KIZ: variants seen among roughly 807,000 people sequenced by gnomAD.
KIZ encodes the protein kizuna centrosomal protein.
Under a neutral mutation model 79.6 loss-of-function variants are expected in KIZ, and 68 were observed. The ratio of observed to expected loss-of-function variants is 0.85; its 90% CI spans 0.70 to 1.05. The LOEUF (loss-of-function observed/expected upper bound fraction) is 1.05, where lower values mean the gene tolerates loss of function less well. KIZ is among the 50% of genes least tolerant of loss of function. The pLI is 0.00. For missense variants in KIZ, 797 were observed against 800.4 expected (o/e 1.00, Z 0.05); for synonymous variants, 280 against 281.8 (o/e 0.99, Z 0.06).
At chr20:21,174,302 A>G (rs1247093734) in intron 6 of KIZ, among the ~76,000 whole-genome samples, 1 of 152,186 alleles carries the variant, frequency 6.6e-6, no homozygotes, top group Admixed American at 6.5e-5. Context: ...TTTACAGATG[A>G]GAAAACTGAG....
chr20:21,210,226 T>C (rs2036012194), intron 7 of KIZ, among the ~76,000 whole-genome samples: 1 of 152,044 alleles, frequency 6.6e-6, no homozygotes, highest in South Asian at 2.1e-4. Context: ...AAGAATTGCT[T>C]GAACCTGGGA....
In KIZ at chr20:21,244,204, CTT is replaced by C. The variant is rs775621928; in HGVS notation, c.1881-38_1881-37del. ...ATTATGAAAATATTAGTCTCATTGT[CTT>C]TTCTTTTTCAGAACTTAGACTGTTT... On this transcript the variant is annotated intron_variant, in intron 11 of 12. Transcript: ENST00000619189. 2.1e-6 allele frequency: 3 copies of C among 1,439,962 alleles called. No individual in the cohort carries two copies. The Admixed American group carries it at 5.1e-5, about 25-fold the overall frequency. The allele number at this position is 1,439,962 out of a possible 1,614,324, so 89.2% of individuals were successfully genotyped here.
At chr20:21,126,939 ACT>A (rs770888537) in intron 1 of KIZ, among the ~76,000 whole-genome samples, 3 of 152,206 alleles carry the variant, frequency 2.0e-5, no homozygotes, top group Non-Finnish European at 4.4e-5. Flanking sequence ...TGGAGTTGTA[ACT>A]CTCATTAGTT....
intron 6 of KIZ, among the ~76,000 whole-genome samples, chr20:21,180,292 CGAT>C (rs1355168401): frequency 6.7e-6 from 1 of 149,124 alleles, no homozygotes; most frequent in Non-Finnish European, 1.5e-5. Context: ...AAGATGATGA[CGAT>C]GACAACTCTT....
chr20:21,232,265 C>T (rs542427446), intron 10 of KIZ, among the ~76,000 whole-genome samples: 2 of 152,186 alleles, frequency 1.3e-5, no homozygotes, highest in Non-Finnish European at 2.9e-5. Flanking sequence ...TGATGATTTT[C>T]AGTGGAGATT....
intron 7 of KIZ, among the ~76,000 whole-genome samples, chr20:21,211,906 T>C (rs2036084148): frequency 3.9e-5 from 6 of 152,110 alleles, no homozygotes; most frequent in Admixed American, 3.9e-4. Flanking sequence ...CTGGCCAACA[T>C]GGTGAAACCC....
chr20:21,223,665 CTTT>C (rs1053285543), intron 9 of KIZ, among the ~76,000 whole-genome samples: 2 of 126,184 alleles, frequency 1.6e-5, no homozygotes, highest in African/African-American at 6.1e-5. Flanking sequence ...CTCTCTCTCT[CTTT>C]TTTTTTTTTT....
At chr20:21,188,619 C>T (rs904380733) in intron 6 of KIZ, among the ~76,000 whole-genome samples, 9 of 151,564 alleles carry the variant, frequency 5.9e-5, no homozygotes, top group East Asian at 3.9e-4. Context: ...ATATTTAAAG[C>T]GGTCACTTTA....
In KIZ at chr20:21,214,589, A is replaced by C. The variant is rs369519137; in HGVS notation, c.1501A>C (p.Ile501Leu). Residue 501 changes from isoleucine (I) to leucine (L), a missense_variant, in exon 8 of 13, where the codon ATT becomes CTT. Ile to Leu is a conservative substitution (Grantham distance 5). Coordinates refer to ENST00000619189, the MANE Select transcript of KIZ (RefSeq NM_018474.6). ...LTEECGRRSA[I>L]HSSESSCSLP... ...AGAAGAGTGTGGCCGTAGGTCAGCT[A>C]TTCACAGTAGTGAATCATCTTGCAG... 29 of 1,613,302 alleles carry C rather than the reference A, an allele frequency of 1.8e-5. No individual in the cohort carries two copies. Among genetic ancestry groups the C allele is most frequent in the Non-Finnish European group, 2.5e-5 (29 of 1,179,422 alleles).
At chr20:21,134,565 C>G (rs1437042751) in intron 2 of KIZ, among the ~76,000 whole-genome samples, 1 of 151,860 alleles carries the variant, frequency 6.6e-6, no homozygotes, top group African/African-American at 2.4e-5. Flanking sequence ...TGCCGTCGAG[C>G]TTTCTGACAT....
intron 6 of KIZ, chr20:21,196,078 C>T (rs926266681): frequency 2.0e-5 from 3 of 152,426 alleles, no homozygotes; most frequent in Non-Finnish European, 4.4e-5. Context: ...GCCAGGCTAA[C>T]CCTCTGAAAA....
intron 6 of KIZ, among the ~76,000 whole-genome samples, chr20:21,190,892 A>G (rs750229428): frequency 6.6e-6 from 1 of 152,218 alleles, no homozygotes; most frequent in Non-Finnish European, 1.5e-5. Flanking sequence ...TTGTCTTTTC[A>G]TAATGTAAAG....
intron 6 of KIZ, among the ~76,000 whole-genome samples, chr20:21,176,526 A>G (rs2034440620): frequency 6.6e-6 from 1 of 151,266 alleles, no homozygotes; most frequent in Non-Finnish European, 1.5e-5. Flanking sequence ...CTAGTACATC[A>G]TGCCTGGCTT....
At chr20:21,135,265 A>G (rs760090527) in intron 2 of KIZ, among the ~76,000 whole-genome samples, 3 of 152,168 alleles carry the variant, frequency 2.0e-5, no homozygotes, top group East Asian at 1.9e-4. Context: ...GCATAGTACA[A>G]TTGTACCCAC....
intron 9 of KIZ, among the ~76,000 whole-genome samples, chr20:21,224,302 C>T (rs2036594537): frequency 1.3e-5 from 2 of 152,192 alleles, no homozygotes; most frequent in African/African-American, 4.8e-5. Flanking sequence ...AAGCAGATTA[C>T]TAGGCAAATG....
Position 21,246,525 on chromosome 20 carries a change from T to A in KIZ, c.1971T>A (p.Ala657=). 3 of 1,612,576 alleles carry A rather than the reference T, an allele frequency of 1.9e-6. No individual in the cohort carries two copies. In the South Asian group the frequency reaches 3.3e-5, roughly 18 times the overall value. Residue 657 remains alanine (A), a synonymous_variant, in exon 13 of 13, where the codon GCT becomes GCA. Transcript: ENST00000619189. The stretch of plus-strand genomic sequence containing the variant: ...ACAGTAACTCAGAAATTGAGGCTGC[T>A]TTACGCCCCAGAAACCATAACACCG... The part of the protein sequence containing the change: ...SDDSNSEIEA[A]LRPRNHNTDD...
At chr20:21,154,199 G>A (rs889885104) in intron 4 of KIZ, 4 of 152,022 alleles carry the variant, frequency 2.6e-5, no homozygotes, top group Non-Finnish European at 5.9e-5. Flanking sequence ...CCTTGTCTGT[G>A]AAGATAATAA....
At chr20:21,171,069 AG>A (rs1188490669) in intron 6 of KIZ, among the ~76,000 whole-genome samples, 4 of 152,212 alleles carry the variant, frequency 2.6e-5, no homozygotes, top group African/African-American at 9.6e-5. Context: ...AATGAATGAG[AG>A]TTCTTGTTCT....
intron 11 of KIZ, among the ~76,000 whole-genome samples, chr20:21,237,391 A>T (rs1431933662): frequency 6.6e-6 from 1 of 151,742 alleles, no homozygotes; most frequent in Non-Finnish European, 1.5e-5. Flanking sequence ...CTTTCCTCCA[A>T]ATTCCACCCC....
Sources: allele counts gnomAD v4.1 joint callset (sites outside exome capture counted in the v4.1 genomes callset), GRCh38; gene constraint gnomAD v4.1.1; transcripts MANE v1.5; gene names NCBI Gene and HGNC (gene_info 2026-07-23, HGNC 2026-07-21).